Variants in TLE1 observed in about 807,000 individuals in gnomAD.
TLE1 encodes the protein transducin-like enhancer protein 1.
A neutral mutation model predicts 89.8 loss-of-function variants in TLE1; 21 were observed. That is an observed-to-expected ratio of 0.23 (90% CI 0.17 to 0.34). TLE1 has a LOEUF of 0.34. TLE1 is among the 10% of genes least tolerant of loss of function. The probability of loss-of-function intolerance (pLI) is 1.00; values close to 1 mark genes in which losing one functional copy is unlikely to be tolerated. For synonymous variants in TLE1, 447 were observed against 407.6 expected (o/e 1.10, Z -1.16); for missense variants, 795 against 1,031.2 (o/e 0.77, Z 3.14).
At chr9:81,681,038 T>C (rs981307056) in intron 4 of TLE1, among the ~76,000 whole-genome samples, 1 of 152,136 alleles carries the variant, frequency 6.6e-6, no homozygotes, top group Non-Finnish European at 1.5e-5. Flanking sequence ...ATCTAAATAC[T>C]TTTTTAAAAA....
intron 8 of TLE1, among the ~76,000 whole-genome samples, chr9:81,622,105 A>AC (rs1825341667): frequency 6.6e-6 from 1 of 152,172 alleles, no homozygotes; most frequent in South Asian, 2.1e-4. Flanking sequence ...GCTGCAGGAG[A>AC]CCTAACTCTT....
intron 9 of TLE1, among the ~76,000 whole-genome samples, chr9:81,618,744 G>A (rs1352159158): frequency 6.6e-6 from 1 of 152,108 alleles, no homozygotes; most frequent in African/African-American, 2.4e-5. Context: ...TATGAAAATG[G>A]CTAATTTAGT....
chr9:81,671,355 G>A (rs1411656628), intron 4 of TLE1, among the ~76,000 whole-genome samples: 1 of 151,838 alleles, frequency 6.6e-6, no homozygotes, highest in Non-Finnish European at 1.5e-5. Context: ...CTCTATTTAA[G>A]AAAAATGAAG....
chr9:81,629,414 G>GA (rs531879275), intron 8 of TLE1, among the ~76,000 whole-genome samples: 12 of 151,922 alleles, frequency 7.9e-5, no homozygotes, highest in Non-Finnish European at 1.6e-4. Flanking sequence ...ACTTATATAA[G>GA]AAAAAACAGA....
chr9:81,611,975 A>G lies in TLE1; in HGVS notation c.1064-16T>C, dbSNP rs766476839. ...AAGCCAGCTGCTGAAAGGAAACACA[A>G]GCCGCACATCATTCAACTGACCCAC... On this transcript the variant is annotated splice_polypyrimidine_tract_variant and intron_variant, in intron 12 of 19. Transcript: ENST00000376499. 8 of 1,433,780 alleles carry G rather than the reference A, an allele frequency of 5.6e-6. No homozygotes were observed. The highest frequency in any genetic ancestry group is 7.3e-6 in the Non-Finnish European group (8 of 1,091,726). The allele number at this position is 1,433,780 out of a possible 1,614,324, so 88.8% of individuals were successfully genotyped here. A position where few individuals can be genotyped will look rare whatever the true frequency, so the allele number is the denominator to read the frequency against.
chr9:81,596,164 C>T (rs1830182506), intron 14 of TLE1, among the ~76,000 whole-genome samples: 1 of 152,152 alleles, frequency 6.6e-6, no homozygotes, highest in Admixed American at 6.5e-5. Flanking sequence ...TTGGAAGACA[C>T]CCACTTCTCT....
At chr9:81,648,451 G>T (rs1054115316) in intron 6 of TLE1, among the ~76,000 whole-genome samples, 2 of 151,944 alleles carry the variant, frequency 1.3e-5, no homozygotes, top group Non-Finnish European at 2.9e-5. Context: ...GTATACACAG[G>T]TATCAAAAAT....
rs1476832592 is a variant in TLE1 at position 81,689,027 on chromosome 9, G to C, written c.-787C>G. The C allele has an allele frequency of 6.6e-6, 1 of 152,100 alleles. No homozygotes were observed. The highest frequency in any genetic ancestry group is 1.5e-5 in the Non-Finnish European group (1 of 68,058). The allele number at this position is 152,100 out of a possible 1,614,324, so 9.4% of individuals were successfully genotyped here. On this transcript the variant is annotated 5_prime_UTR_variant, in exon 1 of 20. Coordinates refer to ENST00000376499, the MANE Select transcript of TLE1 (RefSeq NM_005077.5). The stretch of plus-strand genomic sequence containing the variant: ...GGGCTACTCCACCGAGAGCAGTCCC[G>C]CAAGTGCCCAATGCTCCTCGAGCCC...
intron 12 of TLE1, among the ~76,000 whole-genome samples, chr9:81,612,649 G>A (rs1009405691): frequency 2.6e-5 from 4 of 152,290 alleles, no homozygotes; most frequent in South Asian, 2.1e-4. Flanking sequence ...CAGCCAAACC[G>A]CTGTTTCAGC....
At chr9:81,596,194 A>G (rs1337371787) in intron 14 of TLE1, among the ~76,000 whole-genome samples, 1 of 152,222 alleles carries the variant, frequency 6.6e-6, no homozygotes, top group Non-Finnish European at 1.5e-5. Context: ...CCTCTTCTTT[A>G]AACTGCACAG....
At chr9:81,632,083 T>TC (rs1826698005) in intron 8 of TLE1, among the ~76,000 whole-genome samples, 1 of 149,904 alleles carries the variant, frequency 6.7e-6, no homozygotes, top group African/African-American at 2.5e-5. Flanking sequence ...GAGCGAAGAC[T>TC]CCATCTCAAA....
chr9:81,634,381 C>T lies in TLE1; in HGVS notation c.373-80G>A, dbSNP rs1044476228. On this transcript the variant is annotated intron_variant, in intron 6 of 19. Coordinates refer to ENST00000376499, the MANE Select transcript of TLE1 (RefSeq NM_005077.5). ...ACAGTGATGGCGATGGAGGCGGCAT[C>T]CAGGGGAAAACAGACATGACAGGAG... 3 of 1,232,792 alleles carry T rather than the reference C, an allele frequency of 2.4e-6. No individual in the cohort carries two copies. In the African/African-American group the frequency reaches 4.6e-5, roughly 19 times the overall value. The allele number at this position is 1,232,792 out of a possible 1,614,324, so 76.4% of individuals were successfully genotyped here. A position where few individuals can be genotyped will look rare whatever the true frequency, so the allele number is the denominator to read the frequency against.
At chr9:81,613,961 G>T (rs113044458) in intron 11 of TLE1, among the ~76,000 whole-genome samples, 1 of 145,142 alleles carries the variant, frequency 6.9e-6, no homozygotes, top group Non-Finnish European at 1.5e-5. Flanking sequence ...AAGCTGGAGT[G>T]CAGTGGCGCA....
At chr9:81,600,182 T>C (rs932276790) in intron 14 of TLE1, 26 of 684,806 alleles carry the variant, frequency 3.8e-5, no homozygotes, top group Non-Finnish European at 6.7e-5. Flanking sequence ...AGAGGCTTAA[T>C]ATATTGCTAT....
At chr9:81,638,046 T>C (rs1395327765) in intron 6 of TLE1, among the ~76,000 whole-genome samples, 1 of 152,206 alleles carries the variant, frequency 6.6e-6, no homozygotes, top group African/African-American at 2.4e-5. Flanking sequence ...AGCCATTCTC[T>C]ACTGAGACTT....
At chr9:81,612,268 A>G (rs1032200502) in intron 12 of TLE1, 59 of 1,104,938 alleles carry the variant, frequency 5.3e-5, no homozygotes, top group Non-Finnish European at 5.9e-5. Context: ...AGGGCAAACC[A>G]AGGCACAGGC....
intron 4 of TLE1, among the ~76,000 whole-genome samples, chr9:81,661,772 A>T (rs1399688016): frequency 6.6e-6 from 1 of 152,116 alleles, no homozygotes; most frequent in African/African-American, 2.4e-5. Flanking sequence ...CCCCAAAAAA[A>T]ATGTACACAG....
At chr9:81,644,508 T>G (rs1409145182) in intron 6 of TLE1, among the ~76,000 whole-genome samples, 2 of 152,136 alleles carry the variant, frequency 1.3e-5, no homozygotes, top group Admixed American at 6.5e-5. Flanking sequence ...ATGTCCAGAA[T>G]AGGCAAATTC....
chr9:81,666,587 T>C (rs1334201225), intron 4 of TLE1, among the ~76,000 whole-genome samples: 1 of 150,962 alleles, frequency 6.6e-6, no homozygotes, highest in Non-Finnish European at 1.5e-5. Context: ...CCAGCCTGAC[T>C]AACATGACGA....
Sources: allele counts gnomAD v4.1 joint callset (sites outside exome capture counted in the v4.1 genomes callset), GRCh38; gene constraint gnomAD v4.1.1; transcripts MANE v1.5; gene names NCBI Gene and HGNC (gene_info 2026-07-23, HGNC 2026-07-21).